Variants in TMEM272 observed in about 807,000 individuals in gnomAD.
TMEM272 encodes the protein long intergenic non-protein coding RNA 282.
In TMEM272, 8 loss-of-function variants were observed where a neutral mutation model predicts 3.7. That is an observed-to-expected ratio of 2.17 (90% confidence interval 1.27 to 3.91). TMEM272 has a LOEUF of 3.91. TMEM272 is among the 30% of genes most tolerant of loss of function. The pLI, the probability that TMEM272 is intolerant of heterozygous loss-of-function variation, is 0.00. For missense variants in TMEM272, 166 were observed against 91.5 expected, an observed-to-expected ratio of 1.81 and a Z score of -3.32; for synonymous variants, 63 against 39.8, an observed-to-expected ratio of 1.58 and a Z score of -2.20.
the TMEM272 span, among the ~76,000 whole-genome samples, chr13:51,889,711 G>A: frequency 1.1e-3 from 171 of 152,102 alleles, 1 homozygote; most frequent in African/African-American, 3.7e-3. Flanking sequence ...GTGCGATCCC[G>A]GCTCACCTTA....
chr13:51,891,395 C>T, the TMEM272 span, among the ~76,000 whole-genome samples: 3 of 152,186 alleles, frequency 2.0e-5, no homozygotes, highest in African/African-American at 7.2e-5. Context: ...CCAACAAGCA[C>T]ACAAGCAGTA....
rs1956234051 is a variant in TMEM272, at chr13:51,838,451, A to G, written c.58+22T>C. Reference sequence around the variant, plus strand: ...GGTCTCAATCCTACAAAACCAGGGCATTTCTCAGAGTTGTGACTCACCATT... The same window carrying G: ...GGTCTCAATCCTACAAAACCAGGGCGTTTCTCAGAGTTGTGACTCACCATT... On this transcript the variant is annotated intron_variant, in intron 2 of 4. Coordinates refer to ENST00000629372, the MANE Select transcript of TMEM272 (RefSeq NM_001351003.2). 5.7e-6 allele frequency: 4 copies of G among 702,926 alleles called. 1 individual carries two copies. The Admixed American group carries it at 6.0e-5, about 11-fold the overall frequency. 43.5% of individuals were successfully genotyped at this position (702,926 alleles called of 1,614,324 possible).
the TMEM272 span, among the ~76,000 whole-genome samples, chr13:51,925,058 G>A: frequency 6.6e-5 from 10 of 152,184 alleles, no homozygotes; most frequent in African/African-American, 2.4e-4. Context: ...CTTCCTCTGG[G>A]AAGCCTTCCT....
the TMEM272 span, among the ~76,000 whole-genome samples, chr13:51,885,971 T>G: frequency 1.3e-5 from 2 of 152,208 alleles, no homozygotes; most frequent in African/African-American, 2.4e-5. Context: ...AACAAAAACT[T>G]TGAGGTCATG....
intron 2 of TMEM272, among the ~76,000 whole-genome samples, chr13:51,835,598 G>A (rs1053916633): frequency 5.2e-4 from 79 of 152,306 alleles, no homozygotes; most frequent in African/African-American, 1.9e-3. Context: ...CCAGAAAGAA[G>A]TAAATTTAGA....
chr13:51,820,752 T>C (rs1230039831), intron 4 of TMEM272, among the ~76,000 whole-genome samples: 1 of 152,186 alleles, frequency 6.6e-6, no homozygotes, highest in Admixed American at 6.5e-5. Flanking sequence ...CTTAACACTG[T>C]GGGGGCCATG....
At chr13:51,902,224 G>A in the TMEM272 span, among the ~76,000 whole-genome samples, 88 of 152,330 alleles carry the variant, frequency 5.8e-4, 1 homozygote, top group South Asian at 0.018. Context: ...AAGCACTGAT[G>A]TTGAAGACAG....
the TMEM272 span, among the ~76,000 whole-genome samples, chr13:51,921,807 A>C: frequency 2.0e-5 from 3 of 151,812 alleles, no homozygotes; most frequent in African/African-American, 7.3e-5. Context: ...CCTCTCTCCC[A>C]CTCAGCTGGG....
chr13:51,889,035 T>C, the TMEM272 span, among the ~76,000 whole-genome samples: 1 of 152,182 alleles, frequency 6.6e-6, no homozygotes, highest in Non-Finnish European at 1.5e-5. Flanking sequence ...CACTGATGGG[T>C]ATCTACATTG....
At chr13:51,845,526 G>GA (rs1956298093), upstream of TMEM272, among the ~76,000 whole-genome samples, 9 of 152,222 alleles carry the variant, frequency 5.9e-5, no homozygotes, top group South Asian at 1.4e-3. Flanking sequence ...GGTAATGAGA[G>GA]GTGCCCTATG....
the TMEM272 span, among the ~76,000 whole-genome samples, chr13:51,862,917 A>ATAG: frequency 6.6e-6 from 1 of 152,236 alleles, no homozygotes; most frequent in Non-Finnish European, 1.5e-5. Context: ...ATATTATGAT[A>ATAG]GCTGCTGGGT....
chr13:51,824,922 C>T (rs974188486), intron 3 of TMEM272, among the ~76,000 whole-genome samples: 4 of 152,142 alleles, frequency 2.6e-5, no homozygotes, highest in East Asian at 3.9e-4. Context: ...CACTGCACTC[C>T]GGCCTGGGCG....
the TMEM272 span, chr13:51,910,528 GTC>G: frequency 1.4e-6 from 1 of 720,922 alleles, no homozygotes; most frequent in Non-Finnish European, 2.6e-6. Flanking sequence ...TTCGAATTTG[GTC>G]TCACACCTTC....
At chr13:51,889,609 A>G in the TMEM272 span, among the ~76,000 whole-genome samples, 1 of 151,356 alleles carries the variant, frequency 6.6e-6, no homozygotes, top group Non-Finnish European at 1.5e-5. Flanking sequence ...GAACCACCCA[A>G]TCCGATTTGT....
the TMEM272 span, among the ~76,000 whole-genome samples, chr13:51,931,098 GT>G: frequency 6.6e-6 from 1 of 152,168 alleles, no homozygotes; most frequent in African/African-American, 2.4e-5. Context: ...TCAGGAAAAT[GT>G]GATCAAGTTT....
chr13:51,897,362 ATTTTT>A, the TMEM272 span, among the ~76,000 whole-genome samples: 22 of 82,438 alleles, frequency 2.7e-4, no homozygotes, highest in East Asian at 1.1e-3. Context: ...TGTCTGGCTA[ATTTTT>A]TTTTTTTTTT....
the TMEM272 span, chr13:51,910,762 G>A: frequency 6.4e-5 from 23 of 357,398 alleles, no homozygotes; most frequent in Non-Finnish European, 8.2e-5. Context: ...AGTCAGCTGC[G>A]GGGGAATCTG....
the TMEM272 span, among the ~76,000 whole-genome samples, chr13:51,881,529 A>T: frequency 6.6e-6 from 1 of 152,168 alleles, no homozygotes; most frequent in Non-Finnish European, 1.5e-5. Context: ...GTGAACACAA[A>T]GCTCTAAAAA....
the TMEM272 span, among the ~76,000 whole-genome samples, chr13:51,862,656 A>G: frequency 2.0e-5 from 3 of 152,222 alleles, no homozygotes; most frequent in East Asian, 5.8e-4. Flanking sequence ...GCTCAGTCTG[A>G]GCTTAGGAGA....
Sources: allele counts gnomAD v4.1 joint callset (sites outside exome capture counted in the v4.1 genomes callset), GRCh38; gene constraint gnomAD v4.1.1; transcripts MANE v1.5; gene names NCBI Gene and HGNC (gene_info 2026-07-23, HGNC 2026-07-21).